STAT5A: variants seen among roughly 807,000 people sequenced by gnomAD.
STAT5A encodes the protein epididymis secretory sperm binding protein.
In STAT5A, 26 loss-of-function variants were observed where a neutral mutation model predicts 100.2. The ratio of observed to expected loss-of-function variants is 0.26; its 90% CI spans 0.19 to 0.36. The LOEUF is 0.36. Ranked by LOEUF, STAT5A falls within the 10% of genes least tolerant of loss-of-function variation. The pLI, the probability that STAT5A is intolerant of heterozygous loss-of-function variation, is 1.00. For missense variants in STAT5A, 634 were observed against 1,027.5 expected (o/e 0.62, Z 5.24); for synonymous variants, 330 against 424.3 (o/e 0.78, Z 2.73).
chr17:42,297,010 G>A (rs186606883), intron 5 of STAT5A, among the ~76,000 whole-genome samples: 3 of 152,102 alleles, frequency 2.0e-5, no homozygotes, highest in East Asian at 1.9e-4. Context: ...ATCTCACTGC[G>A]ACCTCTGCCT....
chr17:42,294,105 A>G (rs369789592), intron 4 of STAT5A, among the ~76,000 whole-genome samples: 109 of 151,946 alleles, frequency 7.2e-4, no homozygotes, highest in African/African-American at 2.6e-3. Context: ...AATCCTAGCT[A>G]CTCGGGCGGC....
chr17:42,300,805 A>G lies in STAT5A; in HGVS notation c.924A>G (p.Pro308=). ...GCCAGCAGCTGCCCATCCCCGGCCCAGTGGAGGAGATGCTGGCCGAGGTCA... is the reference window on the plus strand; with the variant it reads ...GCCAGCAGCTGCCCATCCCCGGCCCGGTGGAGGAGATGCTGGCCGAGGTCA... The part of the protein sequence containing the change: ...HLCQQLPIPG[P]VEEMLAEVNA... Residue 308 remains proline, a synonymous_variant, in exon 8 of 19, where the codon CCA becomes CCG. Transcript: ENST00000590949. 1.9e-6 allele frequency: 3 copies of G among 1,612,468 alleles called. No individual in the cohort carries two copies. The highest frequency in any genetic ancestry group is 2.5e-6 in the Non-Finnish European group (3 of 1,179,242).
At position 42,308,788 on chromosome 17, in the gene STAT5A, T is replaced by G; in HGVS notation, c.2063-259T>G. The G allele has an allele frequency of 1.8e-6, 1 of 559,728 alleles. No homozygotes were observed. The highest frequency in any genetic ancestry group is 3.1e-5 in the East Asian group (1 of 32,772). The allele number at this position is 559,728 out of a possible 1,614,324, so 34.7% of individuals were successfully genotyped here. On this transcript the variant is annotated intron_variant, in intron 16 of 18. Coordinates refer to ENST00000590949, the MANE Select transcript of STAT5A (RefSeq NM_001288718.2). This position sits in a 1 kb window ranked among gnomAD's most constrained non-coding sequence, Gnocchi z 4.6. Reference sequence around the variant, plus strand: ...GGGTTTGCTTGTTGATTCTCATTCTTTGACAGGGGTGGGAGCAGGGAGAGG... The same window carrying G: ...GGGTTTGCTTGTTGATTCTCATTCTGTGACAGGGGTGGGAGCAGGGAGAGG...
chr17:42,296,350 C>T (rs372157526), intron 5 of STAT5A, among the ~76,000 whole-genome samples: 1 of 152,050 alleles, frequency 6.6e-6, no homozygotes, highest in East Asian at 1.9e-4. Flanking sequence ...AGAAAATTCT[C>T]CTGTATCCTA....
intron 4 of STAT5A, among the ~76,000 whole-genome samples, chr17:42,294,061 C>G (rs1264914201): frequency 6.6e-6 from 1 of 152,004 alleles, no homozygotes; most frequent in Non-Finnish European, 1.5e-5. Flanking sequence ...CTAAAAAATA[C>G]AAAAATTAGC....
At chr17:42,305,427 G>A (rs796945669) in intron 11 of STAT5A, among the ~76,000 whole-genome samples, 183 bp from the exon 12 acceptor site, 18 of 151,992 alleles carry the variant, frequency 1.2e-4, no homozygotes, top group African/African-American at 3.6e-4. Flanking sequence ...GCTTGAACCC[G>A]GGAGGCAGAG....
chr17:42,308,189 C>T lies in STAT5A; in HGVS notation c.1918C>T (p.Leu640=), dbSNP rs771618032. ...TGTTCTTTTCACAGCGGAACGCAAC[C>T]TGTGGAACCTGAAACCATTCACCAC... ...AWKFDSPERN[L]WNLKPFTTRD... Residue 640 remains leucine (L), a synonymous_variant, in exon 16 of 19, where the codon CTG becomes TTG. Transcript: ENST00000590949. This position sits in a 1 kb window ranked among gnomAD's most constrained non-coding sequence, Gnocchi z 4.6. 6.2e-7 allele frequency: 1 copy of T among 1,614,168 alleles called. No individual in the cohort carries two copies. The highest frequency in any genetic ancestry group is 1.3e-5 in the African/African-American group (1 of 75,068).
chr17:42,299,847 A>G lies in STAT5A; in HGVS notation c.647A>G (p.Gln216Arg). 1 of 1,611,808 alleles carries G rather than the reference A, an allele frequency of 6.2e-7. No individual in the cohort carries two copies. Among genetic ancestry groups the G allele is most frequent in the Non-Finnish European group, 8.5e-7 (1 of 1,179,514 alleles). ...CAGGTGTCTCTGGAGGCCTGGTTGC[A>G]GCGTGAGGCACAGACACTGCAGCAG... Reference protein sequence around the residue: ...QKQVSLEAWLQREAQTLQQYR... With the variant: ...QKQVSLEAWLRREAQTLQQYR... The change falls in exon 6 of 19, where the codon CAG becomes CGG. Residue 216 changes from glutamine to arginine, a missense_variant. Around this residue, in one of 5 missense-constraint regions of STAT5A, gnomAD observed 31 missense variants for 97.6 expected, o/e 0.32. Coordinates refer to ENST00000590949, the MANE Select transcript of STAT5A (RefSeq NM_001288718.2).
chr17:42,289,808 TG>T, intron 2 of STAT5A, 57 bp from the exon 3 acceptor site: 4 of 1,456,658 alleles, frequency 2.7e-6, no homozygotes, highest in Non-Finnish European at 3.6e-6. Context: ...TCCAGCTCCC[TG>T]ACCTCCTTGC....
chr17:42,293,698 A>AG (rs1320101157), intron 4 of STAT5A, among the ~76,000 whole-genome samples: 1 of 152,224 alleles, frequency 6.6e-6, no homozygotes, highest in African/African-American at 2.4e-5. Flanking sequence ...AGGTGGAAAA[A>AG]GCACCCAACT....
At chr17:42,298,940 T>C (rs2080947601) in intron 5 of STAT5A, among the ~76,000 whole-genome samples, 1 of 152,064 alleles carries the variant, frequency 6.6e-6, no homozygotes, top group East Asian at 1.9e-4. Context: ...CCAGTGGCCC[T>C]GGACACGCTC....
intron 4 of STAT5A, among the ~76,000 whole-genome samples, chr17:42,294,143 G>A (rs1226226685): frequency 6.6e-6 from 1 of 151,994 alleles, no homozygotes; most frequent in Non-Finnish European, 1.5e-5. Flanking sequence ...TTGAACCCAG[G>A]AGGGGGATGT....
chr17:42,308,942 C>A lies in STAT5A; in HGVS notation c.2063-105C>A. ...TGGGAAATCTCATCCCAGCTGAGAACACAAGGTGATGTGAGCAGGAGGGAG... is the reference window on the plus strand; with the variant it reads ...TGGGAAATCTCATCCCAGCTGAGAAAACAAGGTGATGTGAGCAGGAGGGAG... On this transcript the variant is annotated intron_variant, in intron 16 of 18. Transcript: ENST00000590949. This position sits in a 1 kb window ranked among gnomAD's most constrained non-coding sequence, Gnocchi z 4.6. The A allele has an allele frequency of 7.0e-7, 1 of 1,436,198 alleles. No individual in the cohort carries two copies. The highest frequency in any genetic ancestry group is 9.8e-7 in the Non-Finnish European group (1 of 1,024,470). The allele number at this position is 1,436,198 out of a possible 1,614,324, so 89.0% of individuals were successfully genotyped here.
chr17:42,309,751 G>T, intron 18 of STAT5A: 1 of 396,148 alleles, frequency 2.5e-6, no homozygotes, highest in Non-Finnish European at 4.6e-6. Flanking sequence ...AGGCAAGAAT[G>T]CTTGCCTCAT....
At chr17:42,299,292 A>T (rs781564570) in intron 5 of STAT5A, among the ~76,000 whole-genome samples, 2 of 152,320 alleles carry the variant, frequency 1.3e-5, no homozygotes, top group South Asian at 2.1e-4. Flanking sequence ...TTAATCTTCA[A>T]GCACCCCACT....
At position 42,308,755 on chromosome 17, in the gene STAT5A, C is replaced by T. The variant is rs2081053278; in HGVS notation, c.2063-292C>T. The T allele has an allele frequency of 1.9e-6, 1 of 524,668 alleles. No homozygotes were observed. The highest frequency in any genetic ancestry group is 3.4e-6 in the Non-Finnish European group (1 of 293,272). 32.5% of individuals were successfully genotyped at this position (524,668 alleles called of 1,614,324 possible). A position where few individuals can be genotyped will look rare whatever the true frequency, so the allele number is the denominator to read the frequency against. The stretch of plus-strand genomic sequence containing the variant: ...TCTCTTCTTCCAGCTGCCCCAAATC[C>T]ATTGGTTGGGTTTGCTTGTTGATTC... On this transcript the variant is annotated intron_variant, in intron 16 of 18. Transcript: ENST00000590949. The surrounding 1 kb of genome is among the most constrained non-coding windows in gnomAD (Gnocchi z 4.6).
At chr17:42,301,188 G>T in intron 8 of STAT5A, 87 bp from the exon 9 acceptor site, 1 of 1,554,620 alleles carries the variant, frequency 6.4e-7, no homozygotes, top group Non-Finnish European at 8.7e-7. Flanking sequence ...CCCATGGGAG[G>T]CAGCCCCACC....
chr17:42,292,361 C>T (rs1361561737), intron 4 of STAT5A, among the ~76,000 whole-genome samples: 1 of 151,890 alleles, frequency 6.6e-6, no homozygotes, highest in Admixed American at 6.6e-5. Context: ...CGGATTCTTG[C>T]TCTGTCACCC....
Position 42,309,401 on chromosome 17 carries a change from T to C in STAT5A, c.2139T>C (p.Ala713=), listed in dbSNP as rs773441992. 3.1e-6 allele frequency: 5 copies of C among 1,613,104 alleles called. No individual in the cohort carries two copies. Among genetic ancestry groups the C allele is most frequent in the African/African-American group, 1.3e-5 (1 of 75,016 alleles). The change falls in exon 18 of 19, where the codon GCT becomes GCC. Residue 713 remains alanine, a synonymous_variant. Coordinates refer to ENST00000590949, the MANE Select transcript of STAT5A (RefSeq NM_001288718.2). Reference sequence around the variant, plus strand: ...GGTTTGTGAATGCATCTGCAGATGCTGGGGGCAGCAGCGCCACGTACATGG... The same window carrying C: ...GGTTTGTGAATGCATCTGCAGATGCCGGGGGCAGCAGCGCCACGTACATGG... ...VPEFVNASAD[A]GGSSATYMDQ...
Sources: allele counts gnomAD v4.1 joint callset (sites outside exome capture counted in the v4.1 genomes callset), GRCh38; gene constraint gnomAD v4.1.1; regional missense constraint gnomAD v4.1.1; non-coding constraint Gnocchi (gnomAD v3.1); transcripts MANE v1.5; gene names NCBI Gene and HGNC (gene_info 2026-07-23, HGNC 2026-07-21).